OSBPL10: variants seen among roughly 807,000 people sequenced by gnomAD.
The protein encoded by OSBPL10 is oxysterol-binding protein-related protein 10.
In OSBPL10, 49 loss-of-function variants were observed where a neutral mutation model predicts 81.7. That is an observed-to-expected ratio of 0.60 (90% CI 0.48 to 0.76). OSBPL10 has a LOEUF of 0.76. Ranked by LOEUF, OSBPL10 falls within the 30% of genes least tolerant of loss-of-function variation. The pLI, the probability that OSBPL10 is intolerant of heterozygous loss-of-function variation, is 0.00. For synonymous variants in OSBPL10, 419 were observed against 383.6 expected, an observed-to-expected ratio of 1.09 and a Z score of -1.08; for missense variants, 923 against 987.8, an observed-to-expected ratio of 0.93 and a Z score of 0.88.
chr3:31,698,968 C>T (rs999777305), intron 7 of OSBPL10, among the ~76,000 whole-genome samples: 2 of 152,206 alleles, frequency 1.3e-5, no homozygotes, highest in Non-Finnish European at 1.5e-5. Flanking sequence ...CAGGCCCCAT[C>T]AGGGCATGGA....
At chr3:32,066,735 A>G (rs745349950) in intron 1 of OSBPL10, 1 of 152,180 alleles carries the variant, frequency 6.6e-6, no homozygotes, top group Non-Finnish European at 1.5e-5. Context: ...GGACAGTTGT[A>G]TTGTTATCTT....
intron 6 of OSBPL10, chr3:31,710,598 A>G (rs1244254614): frequency 1.3e-5 from 2 of 152,264 alleles, no homozygotes; most frequent in Non-Finnish European, 2.9e-5. Context: ...GTCACATGCA[A>G]ATGTGTGAAC....
intron 4 of OSBPL10, chr3:31,795,139 T>TAAAACC (rs1559468465): frequency 0.033 from 2,147 of 65,676 alleles, 44 homozygotes; most frequent in Middle Eastern, 0.06. Context: ...AAAACCTTTT[T>TAAAACC]TTTTTTTTTT....
intron 10 of OSBPL10, among the ~76,000 whole-genome samples, chr3:31,667,983 C>T (rs752995833): frequency 6.6e-6 from 1 of 152,196 alleles, no homozygotes; most frequent in Non-Finnish European, 1.5e-5. Flanking sequence ...ATGGATACTT[C>T]GTAATTTACT....
chr3:31,835,751 C>A lies in OSBPL10; in HGVS notation c.538-5520G>T, dbSNP rs924702327. Among the ~76,000 whole-genome samples the A allele has an allele frequency of 3.9e-5, 6 of 152,234 alleles. No individual in the cohort carries two copies. In the East Asian group the frequency reaches 1.2e-3, roughly 29 times the overall value. On this transcript the variant is annotated intron_variant, in intron 3 of 11. Transcript: ENST00000396556. ...ATCATTTGATTATATTTCTTCTCTTCCTCTAAAAAAATTGTGCCATATCTA... is the reference window on the plus strand; with the variant it reads ...ATCATTTGATTATATTTCTTCTCTTACTCTAAAAAAATTGTGCCATATCTA...
At position 31,849,840 on chromosome 3, in the gene OSBPL10, C is replaced by T. The variant is rs572342441; in HGVS notation, c.538-19609G>A. On this transcript the variant is annotated intron_variant, in intron 3 of 11. Transcript: ENST00000396556. ...ATTGCCTGAAGCCAGGAGTTCGAGA[C>T]CAGCCTGGGCAACATAGTGAGTCTC... Among the ~76,000 whole-genome samples the T allele has an allele frequency of 3.8e-3, 571 of 152,218 alleles. 4 individuals are homozygous for T. Among genetic ancestry groups the T allele is most frequent in the African/African-American group, 0.013 (523 of 41,520 alleles).
At position 31,990,962 on chromosome 3, in the gene OSBPL10, G is replaced by A. The variant is rs1411379312; in HGVS notation, n.298+55529C>T. 3.2e-6 allele frequency: 5 copies of A among 1,574,170 alleles called. No individual in the cohort carries two copies. The South Asian group carries it at 4.7e-5, about 15-fold the overall frequency. On this transcript the variant is annotated intron_variant and non_coding_transcript_variant, in intron 2 of 3. Coordinates refer to the OSBPL10 transcript ENST00000479173. ...AAATCTTACAAATGTCATAAGCGTG[G>A]CAAGGTCTTCAGTTAGAGGTCACTC...
At chr3:31,945,617 T>G (rs1415716392) in intron 1 of OSBPL10, among the ~76,000 whole-genome samples, 1 of 152,198 alleles carries the variant, frequency 6.6e-6, no homozygotes, top group Non-Finnish European at 1.5e-5. Context: ...ACGGCAACCA[T>G]AGGCCATAGC....
chr3:31,802,968 C>CTTTT (rs376218656), intron 4 of OSBPL10, among the ~76,000 whole-genome samples: 1 of 130,024 alleles, frequency 7.7e-6, no homozygotes, highest in African/African-American at 3.0e-5. Context: ...GTATTGGGTC[C>CTTTT]TTTTTTTTTT....
At chr3:31,964,861 C>G (rs1189003692) in intron 1 of OSBPL10, among the ~76,000 whole-genome samples, 1 of 152,132 alleles carries the variant, frequency 6.6e-6, no homozygotes, top group African/African-American at 2.4e-5. Flanking sequence ...AGGGGAAAAT[C>G]TGAATATGAA....
chr3:31,859,163 G>T (rs934514455), intron 3 of OSBPL10, among the ~76,000 whole-genome samples: 6 of 151,610 alleles, frequency 4.0e-5, no homozygotes, highest in African/African-American at 1.5e-4. Context: ...CAGAAACCAG[G>T]TTTTTTTTTT....
At chr3:31,760,030 G>A (rs1213733845) in intron 4 of OSBPL10, among the ~76,000 whole-genome samples, 1 of 152,154 alleles carries the variant, frequency 6.6e-6, no homozygotes, top group East Asian at 1.9e-4. Context: ...GCAAAGTGCT[G>A]GGATTACAGG....
chr3:32,051,869 A>G (rs1699672241), intron 1 of OSBPL10, among the ~76,000 whole-genome samples: 1 of 152,236 alleles, frequency 6.6e-6, no homozygotes, highest in East Asian at 1.9e-4. Context: ...CACTTAATTC[A>G]AATGTTTTGT....
At chr3:31,764,717 T>C (rs770620414) in intron 4 of OSBPL10, among the ~76,000 whole-genome samples, 4 of 152,168 alleles carry the variant, frequency 2.6e-5, no homozygotes, top group Non-Finnish European at 5.9e-5. Flanking sequence ...AGTACCAATC[T>C]CCCAGCAAGG....
chr3:31,897,608 CAAAG>C lies in OSBPL10; in HGVS notation c.282-17782_282-17779del, dbSNP rs1376691961. 2.0e-5 allele frequency among the ~76,000 whole-genome samples: 3 copies of C among 152,038 alleles called. No individual in the cohort carries two copies. The South Asian group carries it at 6.2e-4, about 32-fold the overall frequency. On this transcript the variant is annotated intron_variant, in intron 1 of 11. Coordinates refer to ENST00000396556, the MANE Select transcript of OSBPL10 (RefSeq NM_017784.5). ...GATTCATTATAGTAAAATTTAAAATCAAAGAAAGAAAAATCTAAAAGCTACCAGA... is the reference window on the plus strand; with the variant it reads ...GATTCATTATAGTAAAATTTAAAATCAAAGAAAAATCTAAAAGCTACCAGA...
chr3:31,785,275 A>G (rs9310978), intron 4 of OSBPL10, among the ~76,000 whole-genome samples: 115,391 of 152,200 alleles, frequency 0.76, 44,018 homozygotes, highest in African/African-American at 0.84. Context: ...CCTCAATTTT[A>G]TCCAAAATAA....
chr3:32,058,687 A>C (rs1460731534), intron 1 of OSBPL10, among the ~76,000 whole-genome samples: 1 of 152,116 alleles, frequency 6.6e-6, no homozygotes, highest in Non-Finnish European at 1.5e-5. Context: ...TGTTTTTTAA[A>C]GACAGAGTCA....
upstream of OSBPL10, among the ~76,000 whole-genome samples, chr3:31,983,500 A>G (rs1272124068): frequency 6.6e-6 from 1 of 152,234 alleles, no homozygotes; most frequent in Non-Finnish European, 1.5e-5. Flanking sequence ...ACTAAGCTAA[A>G]AGGAATAGTC....
chr3:31,905,551 T>C (rs1402798355), intron 1 of OSBPL10, among the ~76,000 whole-genome samples: 1 of 151,840 alleles, frequency 6.6e-6, no homozygotes, highest in African/African-American at 2.4e-5. Flanking sequence ...GGTTTCGCCA[T>C]GTTGGCCAGG....
Sources: gnomAD v4.1 joint callset for allele counts (sites outside exome capture counted in the v4.1 genomes callset) on GRCh38, gnomAD v4.1.1 for gene constraint, MANE v1.5 for transcripts, NCBI Gene and HGNC (gene_info 2026-07-23, HGNC 2026-07-21) for gene names.